RPSA2: variants seen among roughly 807,000 people sequenced by gnomAD.
The protein encoded by RPSA2 is small ribosomal subunit protein uS2B.
At chr19:23,768,959 T>A in the RPSA2 span, among the ~76,000 whole-genome samples, 84 of 152,304 alleles carry the variant, frequency 5.5e-4, no homozygotes, top group African/African-American at 1.9e-3. Flanking sequence ...GACATATATT[T>A]GGGCCCAGCA....
At chr19:23,830,402 C>T in the RPSA2 span, among the ~76,000 whole-genome samples, 1 of 152,332 alleles carries the variant, frequency 6.6e-6, no homozygotes, top group South Asian at 2.1e-4. Context: ...ACCTCTGCCT[C>T]CCAAAGTGCC....
the RPSA2 span, among the ~76,000 whole-genome samples, chr19:23,761,935 TG>T: frequency 2.2e-3 from 58 of 26,218 alleles, no homozygotes; most frequent in African/African-American, 6.1e-3. Context: ...TTTTTTTTTT[TG>T]AGATGGAGTC....
chr19:23,824,295 A>G, the RPSA2 span, among the ~76,000 whole-genome samples: 1 of 152,204 alleles, frequency 6.6e-6, no homozygotes, highest in African/African-American at 2.4e-5. Flanking sequence ...AAACTAAAGC[A>G]GGCCTTGCAG....
chr19:23,758,858 G>C, the RPSA2 span: 1 of 1,490,346 alleles, frequency 6.7e-7, no homozygotes. Context: ...GAGCAGTGAA[G>C]ACGAGACCCG....
the RPSA2 span, among the ~76,000 whole-genome samples, chr19:23,850,200 G>C: frequency 1.3e-5 from 2 of 150,510 alleles, no homozygotes; most frequent in African/African-American, 2.4e-5. Flanking sequence ...CCAGATGAGA[G>C]GTCAAATAAG....
At chr19:23,849,010 A>G in the RPSA2 span, among the ~76,000 whole-genome samples, 1 of 152,216 alleles carries the variant, frequency 6.6e-6, no homozygotes, top group Admixed American at 6.5e-5. Flanking sequence ...GAAGATTCCC[A>G]AGGTCTGGGT....
At chr19:23,784,555 C>T in the RPSA2 span, among the ~76,000 whole-genome samples, 10 of 152,324 alleles carry the variant, frequency 6.6e-5, no homozygotes, top group African/African-American at 2.4e-4. Flanking sequence ...TCTGGATTTC[C>T]TTCTTGTATG....
chr19:23,827,684 T>G, the RPSA2 span: 1 of 1,594,130 alleles, frequency 6.3e-7, no homozygotes, highest in South Asian at 1.1e-5. Flanking sequence ...GGGTTTGATG[T>G]GGTGGATGCT....
the RPSA2 span, among the ~76,000 whole-genome samples, chr19:23,863,038 T>C: frequency 1.3e-5 from 2 of 152,108 alleles, no homozygotes; most frequent in African/African-American, 4.8e-5. Context: ...ATTAGGATCC[T>C]GGTAGCTAGT....
chr19:23,815,659 G>A, the RPSA2 span, among the ~76,000 whole-genome samples: 2 of 152,082 alleles, frequency 1.3e-5, no homozygotes, highest in Non-Finnish European at 2.9e-5. Flanking sequence ...TATGCAAAAT[G>A]ATTAATACGG....
chr19:23,760,263 T>C, the RPSA2 span, among the ~76,000 whole-genome samples: 5 of 152,178 alleles, frequency 3.3e-5, no homozygotes, highest in Non-Finnish European at 4.4e-5. Flanking sequence ...TTCCACTCTC[T>C]CCTCAAAGTG....
At chr19:23,847,894 G>C in the RPSA2 span, among the ~76,000 whole-genome samples, 1 of 152,116 alleles carries the variant, frequency 6.6e-6, no homozygotes, top group Non-Finnish European at 1.5e-5. Context: ...TTCCCTACTT[G>C]CACATCCATT....
At chr19:23,793,329 T>G in the RPSA2 span, among the ~76,000 whole-genome samples, 2 of 150,004 alleles carry the variant, frequency 1.3e-5, no homozygotes, top group African/African-American at 4.9e-5. Flanking sequence ...TTTTTCTTGG[T>G]TCAATACATT....
chr19:23,849,487 A>G, the RPSA2 span, among the ~76,000 whole-genome samples: 3 of 152,334 alleles, frequency 2.0e-5, no homozygotes, highest in Admixed American at 1.3e-4. Context: ...AACAGACAGA[A>G]AAGTTTCCGC....
the RPSA2 span, among the ~76,000 whole-genome samples, chr19:23,771,969 C>T: frequency 1.3e-5 from 2 of 152,182 alleles, no homozygotes; most frequent in African/African-American, 4.8e-5. Flanking sequence ...TGGCATATCA[C>T]TAGGCCCAGC....
chr19:23,828,965 AC>A, the RPSA2 span, among the ~76,000 whole-genome samples: 1 of 151,978 alleles, frequency 6.6e-6, no homozygotes, highest in Admixed American at 6.6e-5. Context: ...ACACACACAC[AC>A]ACAAATTTGT....
chr19:23,848,716 A>T, the RPSA2 span, among the ~76,000 whole-genome samples: 5 of 152,230 alleles, frequency 3.3e-5, no homozygotes, highest in African/African-American at 7.2e-5. Context: ...ATCGAGACTC[A>T]TTAGCTGATC....
chr19:23,820,971 G>T, the RPSA2 span, among the ~76,000 whole-genome samples: 1 of 152,298 alleles, frequency 6.6e-6, no homozygotes, highest in Non-Finnish European at 1.5e-5. Context: ...TCTCCAGCTT[G>T]AGAATACCTC....
the RPSA2 span, chr19:23,827,273 A>G: frequency 1.2e-6 from 1 of 842,712 alleles, no homozygotes. Context: ...GGAACACTAC[A>G]TCTATAAAAG....
Sources: allele counts gnomAD v4.1 joint callset (sites outside exome capture counted in the v4.1 genomes callset), GRCh38; gene constraint gnomAD v4.1.1; transcripts MANE v1.5; gene names NCBI Gene and HGNC (gene_info 2026-07-23, HGNC 2026-07-21).